AUTS2: variants seen among roughly 807,000 people sequenced by gnomAD.
AUTS2 encodes the protein activator of transcription and developmental regulator AUTS2.
AUTS2 carries 17 observed loss-of-function variants against 112.4 expected under a neutral mutation model. The observed-to-expected ratio is 0.15, with a 90% CI of 0.10 to 0.23. The LOEUF is 0.23. Among genes scored for constraint, AUTS2 ranks in the 10% least tolerant of loss-of-function variants. The pLI, the probability that AUTS2 is intolerant of heterozygous loss-of-function variation, is 1.00. For missense variants in AUTS2, 1,510 were observed against 1,701.6 expected, an observed-to-expected ratio of 0.89 and a Z score of 1.98; for synonymous variants, 751 against 702.7, an observed-to-expected ratio of 1.07 and a Z score of -1.09.
intron 1 of AUTS2, among the ~76,000 whole-genome samples, chr7:69,850,037 G>T (rs1442385504): frequency 6.6e-6 from 1 of 152,002 alleles, no homozygotes; most frequent in African/African-American, 2.4e-5. Context: ...GCTCACACCT[G>T]TAATCCCAGC....
chr7:70,723,517 C>G (rs1563153155), intron 6 of AUTS2, among the ~76,000 whole-genome samples: 1 of 151,964 alleles, frequency 6.6e-6, no homozygotes. Flanking sequence ...CTCTTAGCCA[C>G]TCTGTTAAAG....
intron 5 of AUTS2, among the ~76,000 whole-genome samples, chr7:70,602,181 CAT>C (rs1803507220): frequency 2.1e-5 from 1 of 47,614 alleles, no homozygotes; most frequent in Non-Finnish European, 5.5e-5. Flanking sequence ...CCTTTGCCAT[CAT>C]CCTCTCACAT....
chr7:70,761,316 C>G (rs1179786547), intron 6 of AUTS2, among the ~76,000 whole-genome samples: 3 of 152,122 alleles, frequency 2.0e-5, no homozygotes, highest in Non-Finnish European at 2.9e-5. Context: ...GACCCCACCT[C>G]TAAAACAAAA....
intron 1 of AUTS2, among the ~76,000 whole-genome samples, chr7:69,823,194 C>T (rs1791076085): frequency 6.6e-6 from 1 of 152,212 alleles, no homozygotes; most frequent in African/African-American, 2.4e-5. Context: ...TTGTCTTTGT[C>T]CCGTCTCATA....
chr7:70,454,223 T>A (rs1796643587), intron 5 of AUTS2, among the ~76,000 whole-genome samples: 1 of 152,156 alleles, frequency 6.6e-6, no homozygotes, highest in African/African-American at 2.4e-5. Context: ...TAACGCTGTT[T>A]TTTAACGCTA....
At chr7:70,745,890 T>C (rs368987565) in intron 6 of AUTS2, among the ~76,000 whole-genome samples, 1 of 152,232 alleles carries the variant, frequency 6.6e-6, no homozygotes, top group Admixed American at 6.5e-5. Context: ...CAGAGAGACA[T>C]GATTTTTCTG....
At chr7:69,639,047 T>C (rs2129116146) in intron 1 of AUTS2, among the ~76,000 whole-genome samples, 1 of 152,374 alleles carries the variant, frequency 6.6e-6, no homozygotes, top group Non-Finnish European at 1.5e-5. Flanking sequence ...TTCTATTGTT[T>C]TTCTTCTGTG....
intron 4 of AUTS2, among the ~76,000 whole-genome samples, chr7:70,183,833 CTTTT>C (rs60689973): frequency 4.3e-5 from 6 of 137,932 alleles, no homozygotes; most frequent in Admixed American, 7.3e-5. Flanking sequence ...CTGTCTTTTT[CTTTT>C]TTTTTTTTTT....
intron 5 of AUTS2, among the ~76,000 whole-genome samples, chr7:70,555,882 G>GCAAC (rs1277781431): frequency 3.3e-5 from 5 of 150,756 alleles, no homozygotes; most frequent in Non-Finnish European, 7.4e-5. Flanking sequence ...TCGGCTCACT[G>GCAAC]CAACCTCTGC....
intron 5 of AUTS2, among the ~76,000 whole-genome samples, chr7:70,592,587 C>T (rs1041777641): frequency 1.3e-5 from 2 of 152,162 alleles, no homozygotes; most frequent in Middle Eastern, 3.4e-3. Flanking sequence ...GTCTCGAACT[C>T]CTGACCTCAA....
At chr7:70,598,821 T>G (rs1179384101) in intron 5 of AUTS2, among the ~76,000 whole-genome samples, 2 of 152,208 alleles carry the variant, frequency 1.3e-5, no homozygotes, top group Non-Finnish European at 2.9e-5. Flanking sequence ...AACCTATGTA[T>G]TTATCTGAAG....
At chr7:70,271,153 C>G (rs537226536) in intron 4 of AUTS2, among the ~76,000 whole-genome samples, 8 of 152,106 alleles carry the variant, frequency 5.3e-5, no homozygotes, top group Non-Finnish European at 1.2e-4. Flanking sequence ...TGAGGGCATT[C>G]TGTGTCTTCC....
chr7:70,301,821 TGA>T (rs1789230017), intron 4 of AUTS2, among the ~76,000 whole-genome samples: 1 of 152,158 alleles, frequency 6.6e-6, no homozygotes, highest in Admixed American at 6.5e-5. Context: ...TACAGTGGTG[TGA>T]TCTTGGCTCA....
chr7:70,311,180 G>T (rs186601971), intron 4 of AUTS2, among the ~76,000 whole-genome samples: 3 of 152,192 alleles, frequency 2.0e-5, no homozygotes, highest in Non-Finnish European at 4.4e-5. Context: ...TTCTCTTATT[G>T]TACTCATCTG....
At chr7:70,418,007 G>A (rs1038771494) in intron 4 of AUTS2, among the ~76,000 whole-genome samples, 6 of 152,088 alleles carry the variant, frequency 3.9e-5, no homozygotes, top group Admixed American at 6.5e-5. Flanking sequence ...GGATTGGGGT[G>A]CACAGGATAA....
intron 1 of AUTS2, among the ~76,000 whole-genome samples, chr7:69,612,991 A>G (rs1025242023): frequency 6.6e-6 from 1 of 152,208 alleles, no homozygotes; most frequent in African/African-American, 2.4e-5. Flanking sequence ...TGTGCCAGGC[A>G]TTGTGCTAGC....
At chr7:70,288,578 C>T (rs955726494) in intron 4 of AUTS2, among the ~76,000 whole-genome samples, 8 of 152,064 alleles carry the variant, frequency 5.3e-5, no homozygotes, top group African/African-American at 1.9e-4. Context: ...TACTGCCAAC[C>T]TCTAATTGGA....
chr7:69,608,635 G>A (rs1465907610), intron 1 of AUTS2, among the ~76,000 whole-genome samples: 3 of 152,196 alleles, frequency 2.0e-5, no homozygotes, highest in African/African-American at 7.2e-5. Context: ...GATGTGGATA[G>A]CACAATAATT....
intron 5 of AUTS2, among the ~76,000 whole-genome samples, chr7:70,520,880 T>C (rs920617193): frequency 6.6e-6 from 1 of 152,230 alleles, no homozygotes; most frequent in Non-Finnish European, 1.5e-5. Flanking sequence ...TTTGTCAAAC[T>C]CATTTCATTC....
Sources: gnomAD v4.1 joint callset for allele counts (sites outside exome capture counted in the v4.1 genomes callset) on GRCh38, gnomAD v4.1.1 for gene constraint, MANE v1.5 for transcripts, NCBI Gene and HGNC (gene_info 2026-07-23, HGNC 2026-07-21) for gene names.